The following RGS3 variants were observed in gnomAD, a reference collection of about 807,000 sequenced individuals.
RGS3 encodes the protein regulator of G protein signaling 3.
A neutral mutation model predicts 132.6 loss-of-function variants in RGS3; 80 were observed. The ratio of observed to expected loss-of-function variants is 0.60; its 90% confidence interval spans 0.50 to 0.73. The LOEUF (loss-of-function observed/expected upper bound fraction) is 0.73, where lower values mean the gene tolerates loss of function less well. RGS3 is among the 30% of genes least tolerant of loss of function. The pLI, the probability that RGS3 is intolerant of heterozygous loss-of-function variation, is 0.00. For synonymous variants in RGS3, 598 were observed against 620.6 expected (o/e 0.96, Z 0.54); for missense variants, 1,382 against 1,530.8 (o/e 0.90, Z 1.62).
At position 113,571,221 on chromosome 9, in the gene RGS3, C is replaced by T. The variant is rs371889226; in HGVS notation, c.2038-12229C>T. ...TGGTGCTGCTATGAATATTCTTGTACTTATCTTTTGATATACTATGTTTGC... is the reference window on the plus strand; with the variant it reads ...TGGTGCTGCTATGAATATTCTTGTATTTATCTTTTGATATACTATGTTTGC... On this transcript the variant is annotated intron_variant, in intron 19 of 24. Transcript: ENST00000350696. 1.2e-4 allele frequency among the ~76,000 whole-genome samples: 18 copies of T among 152,286 alleles called. No homozygotes were observed. The East Asian group carries it at 2.9e-3, about 24-fold the overall frequency.
At chr9:113,450,875 G>A (rs1205486175) in intron 1 of RGS3, among the ~76,000 whole-genome samples, 1 of 152,044 alleles carries the variant, frequency 6.6e-6, no homozygotes, top group Non-Finnish European at 1.5e-5. Context: ...GCAGTGTGGT[G>A]AGGGCAAAAT....
In RGS3 at chr9:113,596,764, C is replaced by T. The variant is rs1476773471; in HGVS notation, c.3412-4C>T. On this transcript the variant is annotated splice_polypyrimidine_tract_variant and splice_region_variant and intron_variant, in intron 24 of 24. Coordinates refer to ENST00000350696, the Ensembl canonical transcript of RGS3. The stretch of plus-strand genomic sequence containing the variant: ...CCTGACCATGTCCCCCTCTGCCTCC[C>T]CAGGTCAACCTGGACTCCTACACGC... 4 of 1,605,916 alleles carry T rather than the reference C, an allele frequency of 2.5e-6. No homozygotes were observed. The highest frequency in any genetic ancestry group is 3.4e-6 in the Non-Finnish European group (4 of 1,176,154).
chr9:113,536,907 C>T, exon 19 of RGS3: 3 of 1,614,044 alleles, frequency 1.9e-6, no homozygotes, highest in South Asian at 2.2e-5. Context: ...AGCATCACCC[C>T]CGGACAGCAA....
chr9:113,596,132 C>T (rs1414731584), intron 24 of RGS3, among the ~76,000 whole-genome samples: 2 of 152,198 alleles, frequency 1.3e-5, no homozygotes, highest in African/African-American at 2.4e-5. Flanking sequence ...GTCAGGAGTT[C>T]GAGACCAGCC....
Position 113,470,781 on chromosome 9 carries a change from A to G in RGS3, c.415+8580A>G, listed in dbSNP as rs1442546687. On this transcript the variant is annotated intron_variant, in intron 3 of 24. Transcript: ENST00000350696. ...GAAGTTCGAGACCAGTGTGGGCAACATAGTGAGAGCTCATCTCTACAAAAA... is the reference window on the plus strand; with the variant it reads ...GAAGTTCGAGACCAGTGTGGGCAACGTAGTGAGAGCTCATCTCTACAAAAA... Among the ~76,000 whole-genome samples, 3 of 152,148 alleles carry G rather than the reference A, an allele frequency of 2.0e-5. No homozygotes were observed. In the East Asian group the frequency reaches 5.8e-4, roughly 29 times the overall value.
intron 8 of RGS3, 88 bp from the exon 7 acceptor site, chr9:113,497,226 G>T: frequency 9.6e-7 from 1 of 1,040,712 alleles, no homozygotes. Context: ...TGGGTGTCCA[G>T]TGGCTACTTT....
At chr9:113,547,693 T>G (rs1833172721) in intron 19 of RGS3, among the ~76,000 whole-genome samples, 1 of 152,196 alleles carries the variant, frequency 6.6e-6, no homozygotes, top group African/African-American at 2.4e-5. Flanking sequence ...AATTTCCGCG[T>G]GGAATTTGTG....
At chr9:113,533,876 T>C (rs2118577616) in intron 18 of RGS3, among the ~76,000 whole-genome samples, 1 of 152,276 alleles carries the variant, frequency 6.6e-6, no homozygotes, top group African/African-American at 2.4e-5. Flanking sequence ...GCCATATCCT[T>C]CCCCTGCCAT....
At chr9:113,552,162 A>G (rs1833364897) in intron 19 of RGS3, among the ~76,000 whole-genome samples, 1 of 152,090 alleles carries the variant, frequency 6.6e-6, no homozygotes, top group African/African-American at 2.4e-5. Context: ...TATTTTAATC[A>G]ATTGGGAATT....
chr9:113,490,453 C>T (rs1197998063), intron 7 of RGS3, among the ~76,000 whole-genome samples: 1 of 151,544 alleles, frequency 6.6e-6, no homozygotes, highest in Non-Finnish European at 1.5e-5. Flanking sequence ...ATAGTAATTC[C>T]TCAATATGCC....
chr9:113,477,118 AGACTTT>A (rs1265384851), intron 3 of RGS3, among the ~76,000 whole-genome samples: 1 of 152,058 alleles, frequency 6.6e-6, no homozygotes, highest in Non-Finnish European at 1.5e-5. Context: ...GTAATTGCTC[AGACTTT>A]GAGATAATGA....
rs147490572 is a variant in RGS3 at position 113,594,971 on chromosome 9, G to T, written c.3235G>T (p.Val1079Phe). The T allele has an allele frequency of 6.8e-6, 11 of 1,613,976 alleles. No homozygotes were observed. The Admixed American group carries it at 1.8e-4, about 27-fold the overall frequency. The change falls in exon 23 of 25, where the codon GTT (valine) becomes TTT (phenylalanine). Residue 1079 changes from valine to phenylalanine, a missense_variant. By Grantham distance (50) the Val-to-Phe change is conservative (BLOSUM62 -1). Transcript: ENST00000350696. Reference sequence around the variant, plus strand: ...GGGCGAGTCCTTGGAGAAGCTGCTGGTTCACAAATGTAAGTTGGGCCTGCC... The same window carrying T: ...GGGCGAGTCCTTGGAGAAGCTGCTGTTTCACAAATGTAAGTTGGGCCTGCC...
chr9:113,544,963 T>A (rs1833051081), intron 19 of RGS3, among the ~76,000 whole-genome samples: 2 of 152,224 alleles, frequency 1.3e-5, no homozygotes, highest in South Asian at 2.1e-4. Context: ...ATGAGATGCC[T>A]TATTTTCCAC....
Position 113,506,590 on chromosome 9 carries a change from C to G in RGS3, c.1085+97C>G, listed in dbSNP as rs926988918. The G allele has an allele frequency of 1.3e-6, 1 of 749,890 alleles. No homozygotes were observed. The highest frequency in any genetic ancestry group is 2.7e-5 in the East Asian group (1 of 36,704). 46.5% of individuals were successfully genotyped at this position (749,890 alleles called of 1,614,324 possible). On this transcript the variant is annotated intron_variant, in intron 12 of 24. Coordinates refer to ENST00000350696, the Ensembl canonical transcript of RGS3. This position sits in a 1 kb window ranked among gnomAD's most constrained non-coding sequence, Gnocchi z 4.7. ...CTTGCCTGGCCCAGCTCTTGCTGCT[C>G]CCTCTTTTGCCTAGCTGTGAGCAGG... is the stretch of plus-strand genomic sequence containing the variant.
Position 113,537,044 on chromosome 9 carries a change from C to G in RGS3, c.2037+126C>G. On this transcript the variant is annotated intron_variant, in intron 19 of 24. Coordinates refer to ENST00000350696, the Ensembl canonical transcript of RGS3. The surrounding 1 kb of genome is among the most constrained non-coding windows in gnomAD (Gnocchi z 4.3). Reference sequence around the variant, plus strand: ...CCAACTTGGCTCTGGGCAATGAGCTCTTGGCAAGCGGGGACCTGTGCCCGA... The same window carrying G: ...CCAACTTGGCTCTGGGCAATGAGCTGTTGGCAAGCGGGGACCTGTGCCCGA... 2 of 853,198 alleles carry G rather than the reference C, an allele frequency of 2.3e-6. No individual in the cohort carries two copies. Among genetic ancestry groups the G allele is most frequent in the Non-Finnish European group, 3.6e-6 (2 of 553,190 alleles). 52.9% of individuals were successfully genotyped at this position (853,198 alleles called of 1,614,324 possible).
exon 25 of RGS3, chr9:113,597,675 C>T (rs1409744849): frequency 6.6e-6 from 1 of 152,262 alleles, no homozygotes; most frequent in Non-Finnish European, 1.5e-5. Flanking sequence ...GCATGGCACC[C>T]TCAGACCACA....
intron 19 of RGS3, among the ~76,000 whole-genome samples, chr9:113,556,673 C>A (rs1286508762): frequency 6.6e-6 from 1 of 152,184 alleles, no homozygotes; most frequent in Non-Finnish European, 1.5e-5. Context: ...GCCCTTCCCC[C>A]CAGCACTCTG....
chr9:113,455,762 C>T (rs550554963), upstream of RGS3, among the ~76,000 whole-genome samples: 4 of 152,246 alleles, frequency 2.6e-5, 1 homozygote, highest in African/African-American at 9.6e-5. Context: ...CCTTGTTCTA[C>T]CTTGAAGATG....
At chr9:113,562,763 T>C (rs1833847345) in intron 19 of RGS3, among the ~76,000 whole-genome samples, 1 of 152,186 alleles carries the variant, frequency 6.6e-6, no homozygotes, top group Non-Finnish European at 1.5e-5. Flanking sequence ...CACTGGGATG[T>C]GGTGAACAGA....
Sources: gnomAD v4.1 joint callset for allele counts (sites outside exome capture counted in the v4.1 genomes callset) on GRCh38, gnomAD v4.1.1 for gene constraint, Gnocchi (gnomAD v3.1) non-coding constraint, MANE v1.5 for transcripts, NCBI Gene and HGNC (gene_info 2026-07-23, HGNC 2026-07-21) for gene names.